Variants in PRMT3 observed in about 807,000 individuals in gnomAD.
PRMT3 encodes protein arginine N-methyltransferase 3.
PRMT3 carries 62 observed loss-of-function variants against 71.9 expected under a neutral mutation model. The ratio of observed to expected loss-of-function variants is 0.86; its 90% confidence interval spans 0.70 to 1.07. The LOEUF (loss-of-function observed/expected upper bound fraction) is 1.07. Ranked by LOEUF, PRMT3 falls within the 50% of genes least tolerant of loss-of-function variation. The pLI is 0.00. For synonymous variants in PRMT3, 213 were observed against 220.4 expected (o/e 0.97, Z 0.30); for missense variants, 663 against 643.0 (o/e 1.03, Z -0.34).
At chr11:20,481,238 G>A (rs1295531036) in intron 13 of PRMT3, among the ~76,000 whole-genome samples, 2 of 145,134 alleles carry the variant, frequency 1.4e-5, no homozygotes, top group Admixed American at 7.1e-5. Context: ...TATAATTTAC[G>A]CAAATTAACT....
Position 20,494,180 on chromosome 11 carries a change from C to T in PRMT3, c.1412C>T (p.Thr471Met), listed in dbSNP as rs1320119090. The T allele has an allele frequency of 5.6e-6, 9 of 1,608,196 alleles. No individual in the cohort carries two copies. In the Admixed American group the frequency reaches 6.7e-5, roughly 12 times the overall value. Residue 471 changes from threonine to methionine, a missense_variant, in exon 15 of 16, where the codon ACG becomes ATG. Transcript: ENST00000331079. ...TTACCAATTCAGGTCGTGTTCTCTA[C>T]GGGCCCTCAGAGCACCAAAACACAC... is the stretch of plus-strand genomic sequence containing the variant. ...KNCHNRVVFS[T>M]GPQSTKTHWK...
intron 13 of PRMT3, among the ~76,000 whole-genome samples, chr11:20,493,178 C>T (rs1851250145): frequency 6.6e-6 from 1 of 151,762 alleles, no homozygotes; most frequent in Admixed American, 6.6e-5. Context: ...CCTTAGAGCT[C>T]ACTTTGGAGT....
At chr11:20,404,286 T>G (rs1159420483) in intron 8 of PRMT3, among the ~76,000 whole-genome samples, 1 of 126,920 alleles carries the variant, frequency 7.9e-6, no homozygotes, top group Non-Finnish European at 1.6e-5. Context: ...CATGCTGGAG[T>G]GCACTGGCGC....
chr11:20,477,888 A>C (rs1379327384), intron 13 of PRMT3, among the ~76,000 whole-genome samples: 1 of 144,590 alleles, frequency 6.9e-6, no homozygotes, highest in Non-Finnish European at 1.5e-5. Context: ...TGGTTTGAAG[A>C]GAGGACCAAC....
intron 11 of PRMT3, among the ~76,000 whole-genome samples, chr11:20,455,071 A>G (rs569978355): frequency 6.6e-6 from 1 of 152,300 alleles, no homozygotes; most frequent in African/African-American, 2.4e-5. Context: ...CTAATTGTGT[A>G]TCAGGAATTG....
chr11:20,458,996 A>G (rs1393686610), intron 11 of PRMT3, among the ~76,000 whole-genome samples: 4 of 93,458 alleles, frequency 4.3e-5, no homozygotes, highest in African/African-American at 1.8e-4. Context: ...TTTTTTCAGT[A>G]AAAGGCCATA....
chr11:20,464,680 G>A (rs1201678769), intron 13 of PRMT3, 134 bp downstream of exon 13: 1 of 1,399,642 alleles, frequency 7.1e-7, no homozygotes, highest in Non-Finnish European at 9.4e-7. Flanking sequence ...GCCTTTGCTA[G>A]GCCATTGAAC....
At chr11:20,453,038 T>C (rs1234873963) in intron 11 of PRMT3, among the ~76,000 whole-genome samples, 1 of 152,158 alleles carries the variant, frequency 6.6e-6, no homozygotes, top group African/African-American at 2.4e-5. Context: ...TCAGAATCAG[T>C]AAATGGTTTC....
intron 13 of PRMT3, among the ~76,000 whole-genome samples, chr11:20,491,674 G>T (rs1487490604): frequency 6.6e-6 from 1 of 152,098 alleles, no homozygotes; most frequent in Non-Finnish European, 1.5e-5. Context: ...TTACTTGTTG[G>T]TTTCGGTTTT....
At chr11:20,499,433 G>C (rs1851406166) in intron 15 of PRMT3, among the ~76,000 whole-genome samples, 4 of 152,048 alleles carry the variant, frequency 2.6e-5, no homozygotes, top group Admixed American at 1.3e-4. Context: ...CCAGCCTGGG[G>C]AACAAAGCAA....
chr11:20,404,278 T>G (rs1328036157), intron 8 of PRMT3, among the ~76,000 whole-genome samples: 2 of 125,924 alleles, frequency 1.6e-5, no homozygotes, highest in East Asian at 5.5e-4. Flanking sequence ...TTTGTCGCCA[T>G]GCTGGAGTGC....
intron 15 of PRMT3, among the ~76,000 whole-genome samples, chr11:20,504,745 A>AGAGAGAGAGC (rs1491497481): frequency 2.0e-4 from 28 of 141,250 alleles, no homozygotes; most frequent in African/African-American, 7.0e-4. Context: ...AGAGAGAGAG[A>AGAGAGAGAGC]GCGAGAGCGA....
chr11:20,389,653 T>TA (rs56308542), intron 2 of PRMT3, 91 bp from the exon 3 acceptor site: 23,261 of 659,696 alleles, frequency 0.035, 265 homozygotes, highest in East Asian at 0.13. Flanking sequence ...CCAGCAGAGT[T>TA]AAAAAAAAAA....
At chr11:20,493,106 T>C (rs543583921) in intron 13 of PRMT3, among the ~76,000 whole-genome samples, 3 of 150,024 alleles carry the variant, frequency 2.0e-5, no homozygotes, top group East Asian at 3.9e-4. Context: ...GAGATCCCTC[T>C]GGGCAACAGA....
At chr11:20,399,729 G>A (rs920390147) in intron 7 of PRMT3, among the ~76,000 whole-genome samples, 1 of 152,148 alleles carries the variant, frequency 6.6e-6, no homozygotes, top group Non-Finnish European at 1.5e-5. Context: ...GGGAAATTCA[G>A]TTTGAGTACT....
chr11:20,397,426 A>AG, intron 6 of PRMT3, 151 bp from the exon 7 acceptor site: 1 of 721,524 alleles, frequency 1.4e-6, no homozygotes, highest in Admixed American at 2.7e-5. Flanking sequence ...CAGATCCAGC[A>AG]GGGGGAGCTT....
intron 13 of PRMT3, among the ~76,000 whole-genome samples, chr11:20,493,128 T>C (rs1851248494): frequency 1.4e-5 from 1 of 69,200 alleles, no homozygotes; most frequent in South Asian, 8.0e-4. Flanking sequence ...CAAGACTCCA[T>C]GTCAAAAAAA....
rs1412543432 is a variant in PRMT3, at chr11:20,508,393, C to T, written c.1576C>T (p.Gln526Ter). Residue 526 changes from glutamine to a stop codon, truncating the protein, a stop_gained, in exon 16 of 16, where the codon CAA (glutamine) becomes TAA (stop). Transcript: ENST00000331079. LOFTEE classifies it high-confidence loss of function. ...GACCCTCACGTTGAATAATTCAACT[C>T]AAACTTATGGTCTCCAGTGAAACAG... The part of the protein sequence containing the change: ...TVTLTLNNST[Q>*]TYGLQ 6.2e-7 allele frequency: 1 copy of T among 1,605,038 alleles called. No individual in the cohort carries two copies. The highest frequency in any genetic ancestry group is 2.2e-5 in the East Asian group (1 of 44,816).
chr11:20,403,451 CTTTA>C (rs755458955), intron 8 of PRMT3, among the ~76,000 whole-genome samples: 38 of 152,150 alleles, frequency 2.5e-4, no homozygotes, highest in South Asian at 1.5e-3. Flanking sequence ...TATTTTAATA[CTTTA>C]TTTACCCCAT....
Sources: gnomAD v4.1 joint callset for allele counts (sites outside exome capture counted in the v4.1 genomes callset) on GRCh38, gnomAD v4.1.1 for gene constraint, MANE v1.5 for transcripts, NCBI Gene and HGNC (gene_info 2026-07-23, HGNC 2026-07-21) for gene names.